Variants in AFG1L observed in about 807,000 individuals in gnomAD.
The protein encoded by AFG1L is AFG1 like ATPase.
AFG1L carries 53 observed loss-of-function variants against 62.2 expected under a neutral mutation model. The ratio of observed to expected loss-of-function variants is 0.85; its 90% CI spans 0.68 to 1.07. The LOEUF is 1.07. AFG1L is among the 50% of genes least tolerant of loss of function. The pLI is 0.00. For synonymous variants in AFG1L, 228 were observed against 210.3 expected (o/e 1.08, Z -0.73); for missense variants, 555 against 590.5 (o/e 0.94, Z 0.62).
intron 10 of AFG1L, among the ~76,000 whole-genome samples, chr6:108,505,238 C>T (rs1265406537): frequency 4.6e-5 from 7 of 151,984 alleles, no homozygotes; most frequent in African/African-American, 7.3e-5. Flanking sequence ...GGATTGCAGG[C>T]GCCTGCCGCC....
intron 2 of AFG1L, among the ~76,000 whole-genome samples, chr6:108,329,912 G>A (rs1363741557): frequency 6.6e-6 from 1 of 152,134 alleles, no homozygotes; most frequent in Non-Finnish European, 1.5e-5. Flanking sequence ...AGGTGACTGG[G>A]TCATGAGATC....
At chr6:108,457,512 T>C (rs2114772690) in intron 8 of AFG1L, among the ~76,000 whole-genome samples, 1 of 151,876 alleles carries the variant, frequency 6.6e-6, no homozygotes, top group Admixed American at 6.5e-5. Context: ...TTTTATTATG[T>C]AATTGTGTAT....
chr6:108,493,666 T>C (rs1773853638), intron 10 of AFG1L, among the ~76,000 whole-genome samples: 1 of 152,254 alleles, frequency 6.6e-6, no homozygotes. Context: ...AGGTATAGTC[T>C]GGTTCATTCA....
intron 7 of AFG1L, among the ~76,000 whole-genome samples, chr6:108,415,955 A>C (rs1232081904): frequency 5.9e-5 from 9 of 152,246 alleles, no homozygotes. Flanking sequence ...TCTGCACAGC[A>C]AAAGAAACTA....
intron 6 of AFG1L, among the ~76,000 whole-genome samples, chr6:108,373,856 G>A (rs930560522): frequency 6.6e-6 from 1 of 152,138 alleles, no homozygotes; most frequent in Non-Finnish European, 1.5e-5. Context: ...GGGATTACAG[G>A]CGTGAGCCAC....
chr6:108,517,872 A>G (rs1774965706), intron 11 of AFG1L, among the ~76,000 whole-genome samples: 1 of 152,244 alleles, frequency 6.6e-6, no homozygotes. Flanking sequence ...TCAAAAGAAG[A>G]CATTTATTCA....
chr6:108,435,228 C>G (rs984782244), intron 7 of AFG1L, among the ~76,000 whole-genome samples: 1 of 152,144 alleles, frequency 6.6e-6, no homozygotes, highest in African/African-American at 2.4e-5. Context: ...GGGAGGCAGG[C>G]TTTGTAGTAA....
At chr6:108,338,215 G>C (rs980289012) in intron 2 of AFG1L, among the ~76,000 whole-genome samples, 3 of 152,248 alleles carry the variant, frequency 2.0e-5, no homozygotes, top group South Asian at 2.1e-4. Flanking sequence ...TTTGGACTTT[G>C]GAGTCAGATT....
chr6:108,504,613 G>A (rs564589561), intron 10 of AFG1L, among the ~76,000 whole-genome samples: 8 of 152,306 alleles, frequency 5.3e-5, no homozygotes, highest in African/African-American at 1.9e-4. Flanking sequence ...GACATGAAGT[G>A]AGCACATGCT....
chr6:108,371,573 C>T (rs1780008793), intron 6 of AFG1L, among the ~76,000 whole-genome samples: 1 of 151,528 alleles, frequency 6.6e-6, no homozygotes, highest in Non-Finnish European at 1.5e-5. Context: ...CTATGTTGCC[C>T]AGGCTGGTCT....
At chr6:108,488,760 C>T (rs963925817) in intron 10 of AFG1L, among the ~76,000 whole-genome samples, 5 of 151,758 alleles carry the variant, frequency 3.3e-5, no homozygotes, top group Non-Finnish European at 5.9e-5. Context: ...CTCAGCTACT[C>T]GGGAGGCTGA....
chr6:108,477,741 A>G (rs1027698361), intron 10 of AFG1L, among the ~76,000 whole-genome samples: 4 of 152,346 alleles, frequency 2.6e-5, no homozygotes, highest in African/African-American at 9.6e-5. Flanking sequence ...TACTAGGGCC[A>G]GGGTCAAAGA....
At chr6:108,416,511 C>T (rs1350410727) in intron 7 of AFG1L, among the ~76,000 whole-genome samples, 3 of 152,198 alleles carry the variant, frequency 2.0e-5, no homozygotes, top group African/African-American at 7.2e-5. Flanking sequence ...AGAGCAAAGA[C>T]TTGGAACCAA....
chr6:108,397,029 T>A (rs991323679), intron 6 of AFG1L, among the ~76,000 whole-genome samples: 1 of 152,114 alleles, frequency 6.6e-6, no homozygotes, highest in Non-Finnish European at 1.5e-5. Flanking sequence ...CATTCTTTTT[T>A]GTTTTTGTTT....
intron 10 of AFG1L, among the ~76,000 whole-genome samples, chr6:108,500,173 T>TGC (rs929537476): frequency 1.2e-3 from 148 of 119,636 alleles, no homozygotes; most frequent in East Asian, 6.4e-3. Context: ...GGTGCGTGCG[T>TGC]GTGTGTGTGT....
At chr6:108,503,276 C>T (rs947291298) in intron 10 of AFG1L, among the ~76,000 whole-genome samples, 8 of 152,156 alleles carry the variant, frequency 5.3e-5, no homozygotes, top group Admixed American at 2.0e-4. Context: ...TCACAGGAAT[C>T]GCTATATGTG....
chr6:108,340,029 T>TC lies in AFG1L; in HGVS notation c.364-6954dup, dbSNP rs1214256742. Among the ~76,000 whole-genome samples the TC allele has an allele frequency of 4.8e-5, 7 of 145,606 alleles. No homozygotes were observed. The East Asian group carries it at 1.6e-3, about 33-fold the overall frequency. On this transcript the variant is annotated intron_variant, in intron 2 of 12. Coordinates refer to ENST00000368977, the MANE Select transcript of AFG1L (RefSeq NM_145315.5). ...TTTGTACCCGTTAACCATCCCCACCTCCCCCTCCACCCCAGCCTCCCACTA... is the reference window on the plus strand; with the variant it reads ...TTTGTACCCGTTAACCATCCCCACCTCCCCCCTCCACCCCAGCCTCCCACTA...
At chr6:108,323,439 C>T (rs1777896770) in intron 1 of AFG1L, among the ~76,000 whole-genome samples, 2 of 152,148 alleles carry the variant, frequency 1.3e-5, no homozygotes, top group African/African-American at 4.8e-5. Flanking sequence ...TCTCTGCTCA[C>T]TTCATCCCCT....
chr6:108,472,059 G>A (rs1275532918), intron 8 of AFG1L, among the ~76,000 whole-genome samples: 1 of 152,110 alleles, frequency 6.6e-6, no homozygotes, highest in Non-Finnish European at 1.5e-5. Context: ...AAAACTGGAG[G>A]ACATTATATT....
Sources: gnomAD v4.1 joint callset for allele counts (sites outside exome capture counted in the v4.1 genomes callset) on GRCh38, gnomAD v4.1.1 for gene constraint, MANE v1.5 for transcripts, NCBI Gene and HGNC (gene_info 2026-07-23, HGNC 2026-07-21) for gene names.